Variants in GRM8 observed in about 807,000 individuals in gnomAD.
GRM8 encodes the protein metabotropic glutamate receptor 8.
In GRM8, 47 loss-of-function variants were observed where a neutral mutation model predicts 87.2. That is an observed-to-expected ratio of 0.54 (90% CI 0.43 to 0.69). The LOEUF (loss-of-function observed/expected upper bound fraction) is 0.69. Among genes scored for constraint, GRM8 ranks in the 30% least tolerant of loss-of-function variants. The probability of loss-of-function intolerance (pLI) is 0.00; values close to 1 mark genes in which losing one functional copy is unlikely to be tolerated. For synonymous variants in GRM8, 396 were observed against 404.5 expected (o/e 0.98, Z 0.25); for missense variants, 1,019 against 1,139.2 (o/e 0.89, Z 1.52).
At chr7:127,106,748 C>T (rs200983356) in intron 2 of GRM8, 36 bp from the exon 3 acceptor site, 16 of 1,414,102 alleles carry the variant, frequency 1.1e-5, no homozygotes, top group African/African-American at 9.8e-5. Context: ...CAACCCATGA[C>T]GAATCTTGAA....
intron 6 of GRM8, among the ~76,000 whole-genome samples, chr7:126,833,747 A>C (rs568731826): frequency 7.4e-4 from 113 of 152,296 alleles, no homozygotes; most frequent in African/African-American, 2.1e-3. Context: ...TTCAACAAAC[A>C]AATTTGGGAT....
chr7:126,988,693 A>C (rs1370874470), intron 3 of GRM8, among the ~76,000 whole-genome samples: 1 of 152,250 alleles, frequency 6.6e-6, no homozygotes, highest in Non-Finnish European at 1.5e-5. Context: ...AGTAAGGAAG[A>C]GCAGAATTTT....
At chr7:127,024,022 T>G (rs1816529564) in intron 3 of GRM8, among the ~76,000 whole-genome samples, 1 of 152,128 alleles carries the variant, frequency 6.6e-6, no homozygotes, top group African/African-American at 2.4e-5. Context: ...TATTAAAGTC[T>G]TTTCTCCAAG....
chr7:126,844,420 G>T (rs968813743), intron 6 of GRM8, among the ~76,000 whole-genome samples: 1 of 152,124 alleles, frequency 6.6e-6, no homozygotes, highest in Admixed American at 6.6e-5. Flanking sequence ...TATAAATATG[G>T]ACAATATTTT....
intron 2 of GRM8, among the ~76,000 whole-genome samples, chr7:127,194,034 A>G (rs1450444193): frequency 6.6e-6 from 1 of 152,164 alleles, no homozygotes. Context: ...GAGAAGCAAG[A>G]CCCTCATTTA....
chr7:127,031,832 G>A (rs1018068895), intron 3 of GRM8, among the ~76,000 whole-genome samples: 8 of 152,034 alleles, frequency 5.3e-5, no homozygotes, highest in African/African-American at 1.9e-4. Context: ...AGCTCCATAA[G>A]TGCCTGCAGA....
At chr7:126,856,296 A>G (rs566792575) in intron 6 of GRM8, among the ~76,000 whole-genome samples, 1 of 152,178 alleles carries the variant, frequency 6.6e-6, no homozygotes, top group South Asian at 2.1e-4. Context: ...TGTCACTGTG[A>G]TATCTGCAGG....
rs201575444 is a variant in GRM8, at chr7:126,840,597, TA to T, written c.1156+61944del. Among the ~76,000 whole-genome samples, 169 of 152,318 alleles carry T rather than the reference TA, an allele frequency of 1.1e-3. 4 individuals are homozygous for T. The East Asian group carries it at 0.03, about 27-fold the overall frequency. Reference sequence around the variant, plus strand: ...TACTTATGTCTTTGGACTTTTCATTTAAAAGTTAATTGTTGACTATGTATTT... The same window carrying T: ...TACTTATGTCTTTGGACTTTTCATTTAAAGTTAATTGTTGACTATGTATTT... On this transcript the variant is annotated intron_variant, in intron 6 of 10. Transcript: ENST00000339582.
At chr7:126,884,530 G>A (rs1800313162) in intron 6 of GRM8, among the ~76,000 whole-genome samples, 1 of 151,960 alleles carries the variant, frequency 6.6e-6, no homozygotes. Context: ...TGCACATATT[G>A]CATCATAGCC....
intron 6 of GRM8, among the ~76,000 whole-genome samples, chr7:126,859,097 A>C (rs1797934199): frequency 6.6e-6 from 1 of 151,710 alleles, no homozygotes; most frequent in Admixed American, 6.6e-5. Context: ...ACCTCTCCCT[A>C]CACATCCCCA....
At chr7:126,477,844 A>G (rs1806180326) in intron 9 of GRM8, among the ~76,000 whole-genome samples, 1 of 152,194 alleles carries the variant, frequency 6.6e-6, no homozygotes, top group East Asian at 1.9e-4. Flanking sequence ...GGTGGATAGA[A>G]GAAACAACAG....
At chr7:127,008,856 G>A (rs1322714989) in intron 3 of GRM8, among the ~76,000 whole-genome samples, 1 of 152,124 alleles carries the variant, frequency 6.6e-6, no homozygotes, top group Non-Finnish European at 1.5e-5. Context: ...GATGTCAACT[G>A]CTTTGACTTT....
chr7:126,774,456 C>A (rs1017458235), intron 6 of GRM8, among the ~76,000 whole-genome samples: 1 of 152,112 alleles, frequency 6.6e-6, no homozygotes, highest in African/African-American at 2.4e-5. Flanking sequence ...TTAAATATCA[C>A]CGATTGTAAA....
At chr7:126,589,781 A>C (rs62477870) in intron 8 of GRM8, among the ~76,000 whole-genome samples, 46,972 of 152,078 alleles carry the variant, frequency 0.31, 8,137 homozygotes, top group East Asian at 0.44. Flanking sequence ...ACTAAGAGAC[A>C]GAAAGATGGT....
At chr7:126,823,579 T>C (rs942970318) in intron 6 of GRM8, among the ~76,000 whole-genome samples, 2 of 152,186 alleles carry the variant, frequency 1.3e-5, no homozygotes, top group African/African-American at 4.8e-5. Context: ...ATTAAGTAAA[T>C]AAAGGTGAAA....
In GRM8 at chr7:127,039,446, G is replaced by C. The variant is rs1041837187; in HGVS notation, c.727+67050C>G. 2.0e-5 allele frequency among the ~76,000 whole-genome samples: 3 copies of C among 151,898 alleles called. No individual in the cohort carries two copies. The East Asian group carries it at 5.9e-4, about 30-fold the overall frequency. ...TCAGGCTTTTAACATCCAGAATTTT[G>C]GGAAAACGAATTTCTGTTCCTTAAG... On this transcript the variant is annotated intron_variant, in intron 3 of 10. Coordinates refer to ENST00000339582, the MANE Select transcript of GRM8 (RefSeq NM_000845.3).
At chr7:126,998,149 T>C (rs1012397784) in intron 3 of GRM8, among the ~76,000 whole-genome samples, 17 of 152,058 alleles carry the variant, frequency 1.1e-4, no homozygotes, top group Non-Finnish European at 7.4e-5. Flanking sequence ...ATCAACAGAA[T>C]GAAGGATAAA....
intron 2 of GRM8, among the ~76,000 whole-genome samples, chr7:127,153,850 A>G (rs1792555862): frequency 6.6e-6 from 1 of 152,148 alleles, no homozygotes; most frequent in African/African-American, 2.4e-5. Context: ...TAGGTTTGCA[A>G]AACACAATTG....
intron 8 of GRM8, among the ~76,000 whole-genome samples, chr7:126,576,788 G>A (rs1446706808): frequency 1.3e-5 from 2 of 152,050 alleles, no homozygotes; most frequent in Admixed American, 6.6e-5. Context: ...AAATGTCAAT[G>A]AGCTCCAGTC....
Sources: allele counts gnomAD v4.1 joint callset (sites outside exome capture counted in the v4.1 genomes callset), GRCh38; gene constraint gnomAD v4.1.1; transcripts MANE v1.5; gene names NCBI Gene and HGNC (gene_info 2026-07-23, HGNC 2026-07-21).